SPECC1L: variants seen among roughly 807,000 people sequenced by gnomAD.
The protein encoded by SPECC1L is sperm antigen with calponin homology and coiled-coil domains 1 like.
In SPECC1L, 40 loss-of-function variants were observed where a neutral mutation model predicts 116.8. The ratio of observed to expected loss-of-function variants is 0.34; its 90% confidence interval spans 0.27 to 0.45. The LOEUF (loss-of-function observed/expected upper bound fraction) is 0.45, where lower values mean the gene tolerates loss of function less well. SPECC1L is among the 20% of genes least tolerant of loss of function. The probability of loss-of-function intolerance (pLI) is 1.00; values close to 1 mark genes in which losing one functional copy is unlikely to be tolerated. For missense variants in SPECC1L, 1,110 were observed against 1,373.6 expected, an observed-to-expected ratio of 0.81 and a Z score of 3.03; for synonymous variants, 504 against 500.6, an observed-to-expected ratio of 1.01 and a Z score of -0.09.
chr22:24,402,302 A>G (rs370450426), intron 14 of SPECC1L, among the ~76,000 whole-genome samples: 40 of 152,166 alleles, frequency 2.6e-4, no homozygotes, highest in African/African-American at 9.4e-4. Flanking sequence ...GGCCCCAGGC[A>G]GGTGCCCATT....
At chr22:24,308,833 T>C (rs2049555378) in intron 3 of SPECC1L, among the ~76,000 whole-genome samples, 1 of 152,210 alleles carries the variant, frequency 6.6e-6, no homozygotes, top group Non-Finnish European at 1.5e-5. Context: ...GGTTTATATA[T>C]TCATTTATAT....
rs201633393 is a variant in SPECC1L, at chr22:24,321,687, C to T, written c.707C>T (p.Pro236Leu). The T allele has an allele frequency of 7.7e-5, 125 of 1,614,194 alleles. No homozygotes were observed. The highest frequency in any genetic ancestry group is 3.1e-4 in the East Asian group (14 of 44,890). Residue 236 changes from proline (P) to leucine (L), a missense_variant, in exon 5 of 17, where the codon CCG (proline) becomes CTG (leucine). Pro to Leu is a moderately conservative substitution (Grantham distance 98, BLOSUM62 -3). Coordinates refer to ENST00000314328, the MANE Select transcript of SPECC1L (RefSeq NM_015330.6). ...SEKETIMAHQ[P>L]TDVESTLLQL... is the part of the protein sequence containing the mutation. ...AAGGAAACTATTATGGCTCACCAGCCGACTGATGTGGAGTCCACTTTATTG... is the reference window on the plus strand; with the variant it reads ...AAGGAAACTATTATGGCTCACCAGCTGACTGATGTGGAGTCCACTTTATTG...
At chr22:24,406,334 C>T (rs2042590085) in intron 14 of SPECC1L, among the ~76,000 whole-genome samples, 1 of 152,160 alleles carries the variant, frequency 6.6e-6, no homozygotes, top group Admixed American at 6.5e-5. Flanking sequence ...GCCCCAGGAT[C>T]AGGGGAGGAG....
At chr22:24,391,680 G>C (rs187931306) in intron 14 of SPECC1L, among the ~76,000 whole-genome samples, 97 of 152,310 alleles carry the variant, frequency 6.4e-4, no homozygotes, top group Non-Finnish European at 1.2e-3. Flanking sequence ...GGCATGGTCT[G>C]TTGGCAGCAA....
chr22:24,411,195 C>G (rs535157856), intron 14 of SPECC1L, among the ~76,000 whole-genome samples: 3 of 146,488 alleles, frequency 2.0e-5, no homozygotes, highest in East Asian at 4.1e-4. Context: ...CTCAAACAAA[C>G]AAACCAAAAA....
intron 2 of SPECC1L, among the ~76,000 whole-genome samples, chr22:24,282,970 G>A (rs1157920857): frequency 2.6e-5 from 4 of 151,958 alleles, no homozygotes; most frequent in Non-Finnish European, 4.4e-5. Flanking sequence ...TAGAGGCGGG[G>A]TTTCACCATG....
intron 14 of SPECC1L, among the ~76,000 whole-genome samples, chr22:24,377,487 C>G (rs940040942): frequency 6.6e-6 from 1 of 152,154 alleles, no homozygotes; most frequent in South Asian, 2.1e-4. Context: ...TTCTCATCTT[C>G]TTGTCCATCT....
At chr22:24,346,966 C>T (rs914616725) in intron 10 of SPECC1L, 120 bp from the exon 11 acceptor site, 16 of 821,732 alleles carry the variant, frequency 1.9e-5, no homozygotes, top group Non-Finnish European at 3.3e-5. Flanking sequence ...TACAACCTTA[C>T]TATAGCAGTA....
intron 2 of SPECC1L, among the ~76,000 whole-genome samples, chr22:24,282,959 G>C (rs1184856571): frequency 1.3e-5 from 2 of 151,868 alleles, no homozygotes; most frequent in Non-Finnish European, 2.9e-5. Context: ...TGTATTATTA[G>C]TAGAGGCGGG....
chr22:24,331,315 C>T (rs5751848), intron 8 of SPECC1L, among the ~76,000 whole-genome samples: 2 of 152,150 alleles, frequency 1.3e-5, no homozygotes, highest in Non-Finnish European at 2.9e-5. Flanking sequence ...TTGCCTTGCT[C>T]TAGTAAATGG....
intron 2 of SPECC1L, among the ~76,000 whole-genome samples, chr22:24,291,747 C>G (rs1317950960): frequency 6.6e-6 from 1 of 152,090 alleles, no homozygotes; most frequent in African/African-American, 2.4e-5. Context: ...AAGGAAGGTA[C>G]ATAGTATTAC....
chr22:24,403,109 T>C lies in SPECC1L; in HGVS notation c.3088-8479T>C, dbSNP rs559914005. Among the ~76,000 whole-genome samples, 58 of 152,336 alleles carry C rather than the reference T, an allele frequency of 3.8e-4. 3 individuals carry two copies. The South Asian group carries it at 0.012, about 30-fold the overall frequency. ...AAATGGCACTGTGAAACAGGCCCTG[T>C]CTGTCCCCTGTCACATCTCTTAGTT... On this transcript the variant is annotated intron_variant, in intron 14 of 16. Coordinates refer to ENST00000314328, the MANE Select transcript of SPECC1L (RefSeq NM_015330.6).
chr22:24,392,729 A>C (rs79612614), intron 14 of SPECC1L, among the ~76,000 whole-genome samples: 4,735 of 152,288 alleles, frequency 0.031, 107 homozygotes, highest in Non-Finnish European at 0.05. Flanking sequence ...CCCAAAACTT[A>C]ATGGCTTAAC....
intron 14 of SPECC1L, among the ~76,000 whole-genome samples, chr22:24,403,996 A>T (rs1207506332): frequency 6.6e-6 from 1 of 152,112 alleles, no homozygotes; most frequent in East Asian, 1.9e-4. Flanking sequence ...TCTTCCCTTT[A>T]TTCGCCATTG....
intron 2 of SPECC1L, among the ~76,000 whole-genome samples, chr22:24,291,787 T>A (rs1389998876): frequency 6.6e-6 from 1 of 152,142 alleles, no homozygotes; most frequent in African/African-American, 2.4e-5. Flanking sequence ...AGAAACAGAT[T>A]TCAGAGAGGT....
chr22:24,316,274 T>TTTTA (rs71189243), intron 4 of SPECC1L, among the ~76,000 whole-genome samples: 65,970 of 149,020 alleles, frequency 0.44, 15,293 homozygotes, highest in Admixed American at 0.56. Context: ...CAGATTTTCT[T>TTTTA]TTTATTTATT....
chr22:24,405,015 C>G (rs1349116263), intron 14 of SPECC1L, among the ~76,000 whole-genome samples: 1 of 152,156 alleles, frequency 6.6e-6, no homozygotes, highest in African/African-American at 2.4e-5. Flanking sequence ...CAACTCCAGG[C>G]CCTTCATTTT....
intron 1 of SPECC1L, among the ~76,000 whole-genome samples, chr22:24,275,231 G>T (rs1232142071): frequency 6.6e-6 from 1 of 152,246 alleles, no homozygotes; most frequent in African/African-American, 2.4e-5. Flanking sequence ...TGACTCTGCT[G>T]GGGTGCTGGT....
At chr22:24,324,565 A>G (rs1333875259) in intron 6 of SPECC1L, 138 bp downstream of exon 6, 2 of 789,396 alleles carry the variant, frequency 2.5e-6, no homozygotes, top group Non-Finnish European at 4.2e-6. Context: ...TCAAAACCGA[A>G]CCAGGCTGGG....
Sources: allele counts gnomAD v4.1 joint callset (sites outside exome capture counted in the v4.1 genomes callset), GRCh38; gene constraint gnomAD v4.1.1; transcripts MANE v1.5; gene names NCBI Gene and HGNC (gene_info 2026-07-23, HGNC 2026-07-21).